The following EPHA6 variants were observed in gnomAD, a reference collection of about 807,000 sequenced individuals.
EPHA6 encodes the protein EPH receptor A6.
Under a neutral mutation model 112.0 loss-of-function variants are expected in EPHA6, and 50 were observed. The ratio of observed to expected loss-of-function variants is 0.45; its 90% CI spans 0.36 to 0.56. The LOEUF (loss-of-function observed/expected upper bound fraction) is 0.56. EPHA6 is among the 20% of genes least tolerant of loss of function. The pLI is 0.00. For synonymous variants in EPHA6, 529 were observed against 490.7 expected, an observed-to-expected ratio of 1.08 and a Z score of -1.03; for missense variants, 1,280 against 1,417.4, an observed-to-expected ratio of 0.90 and a Z score of 1.56.
intron 2 of EPHA6, among the ~76,000 whole-genome samples, chr3:96,944,612 A>G (rs1270253524): frequency 6.6e-6 from 1 of 152,200 alleles, no homozygotes; most frequent in Non-Finnish European, 1.5e-5. Flanking sequence ...TAATCCCAGC[A>G]CTTTGGGTGG....
At chr3:96,994,009 TATG>T (rs939449662) in intron 3 of EPHA6, among the ~76,000 whole-genome samples, 1 of 152,194 alleles carries the variant, frequency 6.6e-6, no homozygotes, top group African/African-American at 2.4e-5. Context: ...AATAACTTGT[TATG>T]ATATTTTATC....
chr3:97,445,771 A>C (rs1468439793), intron 6 of EPHA6, among the ~76,000 whole-genome samples: 1 of 151,812 alleles, frequency 6.6e-6, no homozygotes, highest in Non-Finnish European at 1.5e-5. Context: ...CATGAAAAAA[A>C]GAAATTATAA....
intron 10 of EPHA6, among the ~76,000 whole-genome samples, chr3:97,520,051 T>C (rs1193366282): frequency 6.6e-6 from 1 of 150,892 alleles, no homozygotes; most frequent in African/African-American, 2.4e-5. Flanking sequence ...CACTGCAAGC[T>C]CTGCCTCCCG....
chr3:96,939,905 G>A (rs1361121438), intron 2 of EPHA6, among the ~76,000 whole-genome samples: 1 of 152,150 alleles, frequency 6.6e-6, no homozygotes, highest in African/African-American at 2.4e-5. Context: ...CCATGTAGTT[G>A]AGCGGTTTTG....
chr3:97,174,723 C>T (rs2076788812), intron 3 of EPHA6, among the ~76,000 whole-genome samples: 1 of 151,736 alleles, frequency 6.6e-6, no homozygotes, highest in South Asian at 2.1e-4. Flanking sequence ...AAATATTTTG[C>T]CCATGTGTTG....
At chr3:97,249,505 T>C (rs1219673165) in intron 5 of EPHA6, among the ~76,000 whole-genome samples, 29 of 152,180 alleles carry the variant, frequency 1.9e-4, no homozygotes, top group Admixed American at 1.8e-3. Context: ...TTGAATACTA[T>C]AGGAAAGGAC....
intron 2 of EPHA6, among the ~76,000 whole-genome samples, chr3:96,986,657 C>T (rs115426805): frequency 0.014 from 2,069 of 152,186 alleles, 19 homozygotes; most frequent in Non-Finnish European, 0.022. Flanking sequence ...TTATTCATTT[C>T]TACTTTTTAA....
intron 3 of EPHA6, among the ~76,000 whole-genome samples, chr3:97,059,379 C>G (rs925355058): frequency 6.6e-6 from 1 of 152,074 alleles, no homozygotes; most frequent in Non-Finnish European, 1.5e-5. Context: ...ATTCCTGTCT[C>G]TTGGGGAAGA....
At chr3:97,238,908 C>T (rs920802580) in intron 4 of EPHA6, among the ~76,000 whole-genome samples, 1 of 151,830 alleles carries the variant, frequency 6.6e-6, no homozygotes, top group Non-Finnish European at 1.5e-5. Context: ...AGGTTTTATT[C>T]TGGAAATGAA....
At chr3:97,397,629 T>C (rs890778673) in intron 5 of EPHA6, among the ~76,000 whole-genome samples, 2 of 151,632 alleles carry the variant, frequency 1.3e-5, no homozygotes, top group Non-Finnish European at 3.0e-5. Context: ...TTACATAGTA[T>C]GTCTCAGAAT....
At position 97,067,537 on chromosome 3, in the gene EPHA6, A is replaced by AATAT. The variant is rs10544034; in HGVS notation, c.1114+79560_1114+79563dup. Among the ~76,000 whole-genome samples, 585 of 148,084 alleles carry AATAT rather than the reference A, an allele frequency of 4.0e-3. 5 individuals are homozygous for AATAT. Among genetic ancestry groups the AATAT allele is most frequent in the African/African-American group, 0.013 (531 of 40,488 alleles). ...TGATTGAGACTGAAATTATCAGGAA[A>AATAT]ATATATATATATATATATACCAAAG... is the stretch of plus-strand genomic sequence containing the variant. On this transcript the variant is annotated intron_variant, in intron 3 of 17. Coordinates refer to ENST00000389672, the MANE Select transcript of EPHA6 (RefSeq NM_001080448.3).
intron 2 of EPHA6, among the ~76,000 whole-genome samples, chr3:96,900,370 G>T (rs1242285467): frequency 6.6e-6 from 1 of 152,146 alleles, no homozygotes; most frequent in African/African-American, 2.4e-5. Flanking sequence ...TAATTTGGAA[G>T]AAAATGTAAA....
chr3:97,539,088 C>T, intron 11 of EPHA6, among the ~76,000 whole-genome samples: 1 of 132,746 alleles, frequency 7.5e-6, no homozygotes, highest in Middle Eastern at 4.2e-3. Flanking sequence ...TCCTTCCTTC[C>T]TTCCTTCCTT....
At chr3:97,550,454 G>C (rs1210908539) in intron 11 of EPHA6, among the ~76,000 whole-genome samples, 9 of 152,070 alleles carry the variant, frequency 5.9e-5, no homozygotes, top group African/African-American at 1.7e-4. Flanking sequence ...TATTAAAGTG[G>C]TGTCTCTTCG....
chr3:97,705,192 T>C (rs1559615616), intron 14 of EPHA6, among the ~76,000 whole-genome samples: 1 of 152,098 alleles, frequency 6.6e-6, no homozygotes, highest in Non-Finnish European at 1.5e-5. Flanking sequence ...TTTCTCCAAT[T>C]GAACTCAACT....
intron 5 of EPHA6, among the ~76,000 whole-genome samples, chr3:97,341,090 G>T (rs1273864266): frequency 6.6e-6 from 1 of 152,166 alleles, no homozygotes; most frequent in Admixed American, 6.5e-5. Context: ...GCCAGAGGCC[G>T]AGTAGGTTCA....
rs139458048 is a variant in EPHA6 at position 97,551,137 on chromosome 3, A to G, written c.2386+18594A>G. Among the ~76,000 whole-genome samples, 643 of 152,290 alleles carry G rather than the reference A, an allele frequency of 4.2e-3. 7 individuals carry two copies. The highest frequency in any genetic ancestry group is 0.014 in the African/African-American group (570 of 41,560). On this transcript the variant is annotated intron_variant, in intron 11 of 17. Coordinates refer to ENST00000389672, the MANE Select transcript of EPHA6 (RefSeq NM_001080448.3). ...TTAACTCTCTATATTATAATTATTT[A>G]GGTACATGCCTTTCTACATAGACCA...
intron 14 of EPHA6, among the ~76,000 whole-genome samples, chr3:97,689,666 C>G (rs186550292): frequency 6.6e-6 from 1 of 152,078 alleles, no homozygotes; most frequent in Non-Finnish European, 1.5e-5. Flanking sequence ...ACAGAAATGT[C>G]GATCATTTAA....
chr3:96,859,387 T>TTC (rs1033937713), intron 1 of EPHA6, among the ~76,000 whole-genome samples: 2 of 151,468 alleles, frequency 1.3e-5, no homozygotes, highest in African/African-American at 4.9e-5. Flanking sequence ...TGGTTAATTT[T>TTC]TTTTTTTTTT....
Sources: gnomAD v4.1 joint callset for allele counts (sites outside exome capture counted in the v4.1 genomes callset) on GRCh38, gnomAD v4.1.1 for gene constraint, MANE v1.5 for transcripts, NCBI Gene and HGNC (gene_info 2026-07-23, HGNC 2026-07-21) for gene names.